NPY4R2: variants seen among roughly 807,000 people sequenced by gnomAD.
NPY4R2 encodes the protein neuropeptide Y receptor type 4-2.
For missense variants in NPY4R2, 7 were observed against 268.8 expected (o/e 0.03, Z 6.81); for synonymous variants, 6 against 115.2 (o/e 0.05, Z 6.07).
At chr10:47,918,421 G>GA (rs1168954226), upstream of NPY4R2, among the ~76,000 whole-genome samples, 2 of 34,854 alleles carry the variant, frequency 5.7e-5, 1 homozygote, top group Non-Finnish European at 1.2e-4. Context: ...AAGAAAGAAA[G>GA]AAAGAAAGAA....
intron 1 of NPY4R2, among the ~76,000 whole-genome samples, chr10:47,920,150 T>C (rs1377581668): frequency 3.4e-5 from 2 of 58,876 alleles, no homozygotes; most frequent in East Asian, 4.7e-4. Flanking sequence ...GAAATCTTCC[T>C]GCCTTCGAGA....
upstream of NPY4R2, among the ~76,000 whole-genome samples, chr10:47,918,479 T>G (rs1841699731): frequency 2.4e-5 from 1 of 42,256 alleles, no homozygotes; most frequent in Non-Finnish European, 5.0e-5. Context: ...TATCCAGGGT[T>G]GAGGTGGGCG....
chr10:47,914,656 CTG>C (rs1382511560), upstream of NPY4R2, among the ~76,000 whole-genome samples: 3 of 82,072 alleles, frequency 3.7e-5, no homozygotes, highest in Admixed American at 1.4e-4. Context: ...TTCCATCTTT[CTG>C]TGTTTTTGCT....
upstream of NPY4R2, among the ~76,000 whole-genome samples, chr10:47,918,411 AAG>A (rs1195226804): frequency 5.0e-3 from 150 of 30,008 alleles, 1 homozygote; most frequent in African/African-American, 0.032. Flanking sequence ...GAAAGAAAGA[AAG>A]AAAGAAAGAA....
chr10:47,918,372 AGAGAGAGAGAGAG>A (rs1267039879), upstream of NPY4R2, among the ~76,000 whole-genome samples: 3 of 20,160 alleles, frequency 1.5e-4, no homozygotes, highest in Admixed American at 6.8e-4. Context: ...AGAGAGAGAG[AGAGAGAGAGAGAG>A]AAAGAAAGAA....
intron 2 of NPY4R2, 41 bp from the exon 3 acceptor site, chr10:47,921,888 G>A (rs2132193530): frequency 2.7e-6 from 1 of 372,422 alleles, no homozygotes; most frequent in Admixed American, 4.3e-5. Context: ...ATTCTACCCT[G>A]GGCATGATCC....
At chr10:47,916,284 C>T (rs1841116362), upstream of NPY4R2, among the ~76,000 whole-genome samples, 1 of 130,128 alleles carries the variant, frequency 7.7e-6, no homozygotes, top group Middle Eastern at 3.9e-3. Flanking sequence ...GCTCCCAGTT[C>T]TTTCTTACAG....
chr10:47,921,871 T>C, intron 2 of NPY4R2, 58 bp from the exon 3 acceptor site: 1 of 416,828 alleles, frequency 2.4e-6, no homozygotes, highest in Non-Finnish European at 4.3e-6. Context: ...GCCCTGCTCC[T>C]CTCTGGATTC....
chr10:47,916,660 G>C (rs1554991862), upstream of NPY4R2, among the ~76,000 whole-genome samples: 3 of 136,780 alleles, frequency 2.2e-5, no homozygotes, highest in African/African-American at 7.5e-5. Context: ...CTTCTGCCTG[G>C]CAAGGGAGCT....
At chr10:47,922,077 C>A (rs1554989964) in exon 3 of NPY4R2, 1 of 531,092 alleles carries the variant, frequency 1.9e-6, no homozygotes, top group East Asian at 3.3e-5. Flanking sequence ...CATACAACTT[C>A]TCTGAACATT....
chr10:47,922,092 G>A lies in NPY4R2; in HGVS notation c.105G>A (p.Gln35=), dbSNP rs1840868596. The A allele has an allele frequency of 3.9e-6, 2 of 509,928 alleles. 1 individual carries two copies. Among genetic ancestry groups the A allele is most frequent in the Non-Finnish European group, 5.7e-6 (2 of 353,872 alleles). The allele number at this position is 509,928 out of a possible 1,614,324, so 31.6% of individuals were successfully genotyped here. ...CATACAACTTCTCTGAACATTGCCAGGATTCCGTGGACGTGATGGTCTTCA... is the reference window on the plus strand; with the variant it reads ...CATACAACTTCTCTGAACATTGCCAAGATTCCGTGGACGTGATGGTCTTCA... Residue 35 remains glutamine, a synonymous_variant, in exon 3 of 3, where the codon CAG becomes CAA. Coordinates refer to ENST00000576178, the Ensembl canonical transcript of NPY4R2.
At chr10:47,921,747 G>C (rs1841764739) in intron 2 of NPY4R2, among the ~76,000 whole-genome samples, 182 bp from the exon 3 acceptor site, 1 of 151,528 alleles carries the variant, frequency 6.6e-6, no homozygotes, top group African/African-American at 2.4e-5. Flanking sequence ...CATGCAACAA[G>C]TGCTTCTAAC....
chr10:47,918,434 A>AAAGAAAGAAAGG, upstream of NPY4R2, among the ~76,000 whole-genome samples: 1 of 23,134 alleles, frequency 4.3e-5, no homozygotes, highest in Non-Finnish European at 8.4e-5. Flanking sequence ...AGAAAGAAAG[A>AAAGAAAGAAAGG]GAGAGAGAAA....
chr10:47,918,415 A>G (rs1228285366), upstream of NPY4R2, among the ~76,000 whole-genome samples: 1 of 32,018 alleles, frequency 3.1e-5, no homozygotes, highest in African/African-American at 1.9e-4. Context: ...GAAAGAAAGA[A>G]AGAAAGAAAG....
chr10:47,918,435 G>GAAAGAA (rs1841698454), upstream of NPY4R2, among the ~76,000 whole-genome samples: 1 of 35,074 alleles, frequency 2.9e-5, no homozygotes, highest in African/African-American at 1.3e-4. Context: ...GAAAGAAAGA[G>GAAAGAA]AGAGAGAAAG....
chr10:47,918,431 A>AAGAG (rs113496587), upstream of NPY4R2, among the ~76,000 whole-genome samples: 325 of 31,094 alleles, frequency 0.01, 115 homozygotes, highest in Non-Finnish European at 0.017. Context: ...GAAAGAAAGA[A>AAGAG]AGAGAGAGAG....
At chr10:47,918,376 AGAGAGAG>A (rs1841689028), upstream of NPY4R2, among the ~76,000 whole-genome samples, 15 of 17,696 alleles carry the variant, frequency 8.5e-4, 1 homozygote, top group Admixed American at 3.7e-3. Flanking sequence ...AGAGAGAGAG[AGAGAGAG>A]AGAAAGAAAG....
intron 1 of NPY4R2, 131 bp from the exon 2 acceptor site, chr10:47,920,607 T>TA (rs1230223653): frequency 3.9e-5 from 5 of 127,292 alleles, no homozygotes; most frequent in Non-Finnish European, 6.7e-5. Context: ...ATTGATCATG[T>TA]AAAAAATACA....
Sources: allele counts gnomAD v4.1 joint callset (sites outside exome capture counted in the v4.1 genomes callset), GRCh38; gene constraint gnomAD v4.1.1; transcripts MANE v1.5; gene names NCBI Gene and HGNC (gene_info 2026-07-23, HGNC 2026-07-21).